SLC8A1: variants seen among roughly 807,000 people sequenced by gnomAD.
SLC8A1 encodes the protein solute carrier family 8 member A1, also known as sodium/calcium exchanger 1.
SLC8A1 carries 18 observed loss-of-function variants against 68.3 expected under a neutral mutation model. That is an observed-to-expected ratio of 0.26 (90% CI 0.18 to 0.39). The LOEUF (loss-of-function observed/expected upper bound fraction) is 0.39. Ranked by LOEUF, SLC8A1 falls within the 10% of genes least tolerant of loss-of-function variation. The pLI is 1.00. For missense variants in SLC8A1, 985 were observed against 1,156.7 expected, an observed-to-expected ratio of 0.85 and a Z score of 2.15; for synonymous variants, 475 against 415.5, an observed-to-expected ratio of 1.14 and a Z score of -1.74.
chr2:40,385,394 C>T (rs1020374506), intron 2 of SLC8A1, among the ~76,000 whole-genome samples: 3 of 151,242 alleles, frequency 2.0e-5, no homozygotes, highest in Admixed American at 2.0e-4. Flanking sequence ...TTTATTTTTT[C>T]CTACCTTTCT....
chr2:40,429,107 T>A (rs867591071), exon 2 of SLC8A1: 1 of 1,613,024 alleles, frequency 6.2e-7, no homozygotes, highest in Non-Finnish European at 8.5e-7. Flanking sequence ...TCGTGCATGC[T>A]GACAGCCTTC....
At chr2:40,133,658 G>A (rs889088944) in intron 7 of SLC8A1, among the ~76,000 whole-genome samples, 6 of 150,860 alleles carry the variant, frequency 4.0e-5, no homozygotes, top group Non-Finnish European at 1.5e-5. Flanking sequence ...CCCCCACCAA[G>A]ACGCGCAGAG....
chr2:40,139,029 G>A (rs898016964), intron 7 of SLC8A1, among the ~76,000 whole-genome samples: 1 of 152,150 alleles, frequency 6.6e-6, no homozygotes, highest in Non-Finnish European at 1.5e-5. Flanking sequence ...AATGTACCAA[G>A]TATATAAAAG....
exon 8 of SLC8A1, chr2:40,101,273 T>C (rs2033874802): frequency 1.3e-5 from 2 of 152,162 alleles, no homozygotes; most frequent in Admixed American, 1.3e-4. Flanking sequence ...TCTTTGAAAA[T>C]GAATTCTAAA....
chr2:40,135,343 G>C (rs1460360818), intron 7 of SLC8A1, among the ~76,000 whole-genome samples: 3 of 152,218 alleles, frequency 2.0e-5, no homozygotes, highest in African/African-American at 7.2e-5. Flanking sequence ...ATGGGTGAGA[G>C]AGGACAGCTG....
At position 40,157,886 on chromosome 2, in the gene SLC8A1, GA is replaced by G. The variant is rs371844430; in HGVS notation, c.2161+2878del. On this transcript the variant is annotated intron_variant, in intron 6 of 7. Transcript: ENST00000406785. The stretch of plus-strand genomic sequence containing the variant: ...TAAATCCTTTAACTCTTCAAATATG[GA>G]ATTAAAAGAACTGGGTTGGCAGAAT... 3.8e-3 allele frequency among the ~76,000 whole-genome samples: 572 copies of G among 152,216 alleles called. 3 individuals carry two copies. Among genetic ancestry groups the G allele is most frequent in the African/African-American group, 0.013 (530 of 41,500 alleles).
chr2:40,453,905 C>G (rs945324541), upstream of SLC8A1, among the ~76,000 whole-genome samples: 11 of 152,188 alleles, frequency 7.2e-5, no homozygotes, highest in Non-Finnish European at 1.3e-4. Flanking sequence ...ACACTCTAAG[C>G]TGCTTCACGT....
chr2:40,395,197 A>G (rs766116194), intron 2 of SLC8A1, among the ~76,000 whole-genome samples: 1 of 152,212 alleles, frequency 6.6e-6, no homozygotes, highest in Non-Finnish European at 1.5e-5. Context: ...GAAGTCTAAA[A>G]GAAGTAGAGA....
intron 2 of SLC8A1, among the ~76,000 whole-genome samples, chr2:40,238,290 C>G (rs562650799): frequency 1.3e-5 from 2 of 152,202 alleles, no homozygotes; most frequent in Non-Finnish European, 2.9e-5. Flanking sequence ...CAGCCAGGTG[C>G]GGGATATAAT....
intron 2 of SLC8A1, among the ~76,000 whole-genome samples, chr2:40,235,431 G>T: frequency 6.6e-6 from 1 of 151,822 alleles, no homozygotes; most frequent in Non-Finnish European, 1.5e-5. Flanking sequence ...TATTTCTGTG[G>T]GATCGGTGGT....
intron 1 of SLC8A1, among the ~76,000 whole-genome samples, chr2:40,482,567 T>G (rs1704698255): frequency 6.6e-6 from 1 of 152,032 alleles, no homozygotes. Context: ...ATTATTTCTA[T>G]TTTATGGGAT....
intron 2 of SLC8A1, among the ~76,000 whole-genome samples, chr2:40,299,654 TC>T (rs2071065318): frequency 6.6e-6 from 1 of 152,100 alleles, no homozygotes; most frequent in African/African-American, 2.4e-5. Flanking sequence ...TTTGCCTAAA[TC>T]CTCCCCCACC....
intron 2 of SLC8A1, among the ~76,000 whole-genome samples, chr2:40,252,951 ATATG>A (rs1467125261): frequency 9.9e-6 from 1 of 100,506 alleles, no homozygotes; most frequent in African/African-American, 4.6e-5. Context: ...ACATATATAC[ATATG>A]TGTGTATATG....
intron 2 of SLC8A1, among the ~76,000 whole-genome samples, chr2:40,317,964 T>C (rs1229455778): frequency 6.6e-6 from 1 of 152,090 alleles, no homozygotes; most frequent in Non-Finnish European, 1.5e-5. Context: ...GCAGATTTCC[T>C]GGTGGGTCAG....
chr2:40,301,206 T>A (rs940361061), intron 2 of SLC8A1, among the ~76,000 whole-genome samples: 7 of 152,212 alleles, frequency 4.6e-5, no homozygotes, highest in African/African-American at 1.7e-4. Context: ...ATTTGCTAAG[T>A]GCTCTATATG....
chr2:40,203,084 C>T (rs927802169), intron 2 of SLC8A1, among the ~76,000 whole-genome samples: 3 of 151,924 alleles, frequency 2.0e-5, no homozygotes, highest in Non-Finnish European at 2.9e-5. Context: ...TGCTCACAGT[C>T]GATAAAACAA....
At chr2:40,102,946 T>G (rs2033983324) in exon 8 of SLC8A1, 1 of 152,178 alleles carries the variant, frequency 6.6e-6, no homozygotes. Context: ...GTCTTAGTAA[T>G]CACTGGAATT....
At chr2:40,405,670 T>C (rs528511849) in intron 2 of SLC8A1, among the ~76,000 whole-genome samples, 22 of 152,326 alleles carry the variant, frequency 1.4e-4, no homozygotes, top group African/African-American at 5.3e-4. Flanking sequence ...ATGGGAAAAA[T>C]GAGGTAATTC....
chr2:40,316,993 G>T (rs2074539992), intron 2 of SLC8A1, among the ~76,000 whole-genome samples: 1 of 151,880 alleles, frequency 6.6e-6, no homozygotes, highest in African/African-American at 2.4e-5. Flanking sequence ...TGAAGGGTGG[G>T]GAATTTTTCT....
Sources: allele counts gnomAD v4.1 joint callset (sites outside exome capture counted in the v4.1 genomes callset), GRCh38; gene constraint gnomAD v4.1.1; transcripts MANE v1.5; gene names NCBI Gene and HGNC (gene_info 2026-07-23, HGNC 2026-07-21).